GRID2: variants seen among roughly 807,000 people sequenced by gnomAD.
The protein encoded by GRID2 is glutamate receptor ionotropic, delta-2.
Under a neutral mutation model 114.8 loss-of-function variants are expected in GRID2, and 33 were observed. The ratio of observed to expected loss-of-function variants is 0.29; its 90% CI spans 0.22 to 0.38. The LOEUF (loss-of-function observed/expected upper bound fraction) is 0.38, where lower values mean the gene tolerates loss of function less well. Among genes scored for constraint, GRID2 ranks in the 10% least tolerant of loss-of-function variants. The pLI is 1.00. For missense variants in GRID2, 1,184 were observed against 1,257.7 expected (o/e 0.94, Z 0.89); for synonymous variants, 505 against 449.9 (o/e 1.12, Z -1.55).
rs577812344 is a variant in GRID2 at position 92,577,251 on chromosome 4, G to A, written c.89-12880G>A. ...GAAAAAAAGACTGTGTAGAGTGTTA[G>A]ATAATAGATTTCAAGATTTCTCATA... On this transcript the variant is annotated intron_variant, in intron 1 of 15. Coordinates refer to ENST00000282020, the MANE Select transcript of GRID2 (RefSeq NM_001510.4). Among the ~76,000 whole-genome samples the A allele has an allele frequency of 7.2e-5, 11 of 152,270 alleles. No homozygotes were observed. The East Asian group carries it at 2.1e-3, about 29-fold the overall frequency.
intron 2 of GRID2, among the ~76,000 whole-genome samples, chr4:92,608,889 C>T (rs774088110): frequency 6.6e-6 from 1 of 151,608 alleles, no homozygotes; most frequent in Non-Finnish European, 1.5e-5. Context: ...TTCTTTCACC[C>T]AAATATATAT....
intron 13 of GRID2, among the ~76,000 whole-genome samples, chr4:93,567,632 T>A (rs1192452179): frequency 6.6e-6 from 1 of 152,156 alleles, no homozygotes; most frequent in Non-Finnish European, 1.5e-5. Flanking sequence ...TGTTGGGAAA[T>A]AAAAGGCACA....
chr4:93,392,345 T>A (rs1399558431), intron 8 of GRID2, among the ~76,000 whole-genome samples: 1 of 152,120 alleles, frequency 6.6e-6, no homozygotes, highest in Non-Finnish European at 1.5e-5. Context: ...ACCAGAGGAC[T>A]TGTTAGATAA....
intron 11 of GRID2, among the ~76,000 whole-genome samples, chr4:93,468,172 A>G (rs1277598801): frequency 1.3e-5 from 2 of 152,130 alleles, no homozygotes; most frequent in Non-Finnish European, 2.9e-5. Context: ...CATTTTTTTC[A>G]GATTAAGCAT....
At chr4:92,658,060 C>CT (rs1246326853) in intron 2 of GRID2, among the ~76,000 whole-genome samples, 2 of 151,758 alleles carry the variant, frequency 1.3e-5, no homozygotes, top group East Asian at 1.9e-4. Flanking sequence ...CTGTTCTCCA[C>CT]TTTTTTACAT....
intron 2 of GRID2, among the ~76,000 whole-genome samples, chr4:92,747,948 G>A (rs928868557): frequency 4.6e-5 from 7 of 152,102 alleles, no homozygotes; most frequent in Non-Finnish European, 8.8e-5. Flanking sequence ...TATACTAGAA[G>A]TTTCTGACTT....
At chr4:93,629,056 C>T (rs183763541) in intron 14 of GRID2, among the ~76,000 whole-genome samples, 55 of 152,206 alleles carry the variant, frequency 3.6e-4, no homozygotes, top group South Asian at 1.5e-3. Context: ...CATGAGCCAC[C>T]GCGCCCAGCG....
At chr4:93,350,097 C>A (rs1030917071) in intron 8 of GRID2, among the ~76,000 whole-genome samples, 6 of 151,908 alleles carry the variant, frequency 3.9e-5, no homozygotes, top group African/African-American at 1.4e-4. Context: ...AAAGAAAACC[C>A]AGAGGATTTT....
intron 2 of GRID2, among the ~76,000 whole-genome samples, chr4:93,002,635 C>T (rs911952028): frequency 6.6e-6 from 1 of 151,286 alleles, no homozygotes; most frequent in African/African-American, 2.4e-5. Flanking sequence ...TTCTATTTTT[C>T]CCCCCGGTAC....
At chr4:92,315,993 C>CA (rs778361565) in intron 1 of GRID2, among the ~76,000 whole-genome samples, 2,310 of 61,800 alleles carry the variant, frequency 0.037, 67 homozygotes, top group African/African-American at 0.083. Flanking sequence ...AAACAAAAAG[C>CA]AAAAAAAAAA....
chr4:92,789,141 G>C (rs1051666106), intron 2 of GRID2, among the ~76,000 whole-genome samples: 1 of 151,742 alleles, frequency 6.6e-6, no homozygotes, highest in Non-Finnish European at 1.5e-5. Context: ...TCTGTTGCTT[G>C]AGAAACCTTG....
intron 13 of GRID2, among the ~76,000 whole-genome samples, chr4:93,587,385 G>T (rs1349323744): frequency 6.6e-6 from 1 of 152,076 alleles, no homozygotes; most frequent in African/African-American, 2.4e-5. Context: ...AGCACAGATT[G>T]TATTTTGAGA....
At position 92,578,122 on chromosome 4, in the gene GRID2, A is replaced by C. The variant is rs879843410; in HGVS notation, c.89-12009A>C. 9.4e-4 allele frequency among the ~76,000 whole-genome samples: 98 copies of C among 104,550 alleles called. 1 individual carries two copies. Among genetic ancestry groups the C allele is most frequent in the Non-Finnish European group, 1.5e-3 (76 of 49,102 alleles). The allele number at this position is 104,550 out of a possible 152,430, so 68.6% of individuals were successfully genotyped here. ...TCTTCTTCTTCTTCTTCTTTTTCTT[A>C]TTATTATTATTACACTTTAAGTTTT... On this transcript the variant is annotated intron_variant, in intron 1 of 15. Coordinates refer to ENST00000282020, the MANE Select transcript of GRID2 (RefSeq NM_001510.4).
At chr4:93,051,466 T>C (rs1726704322) in intron 2 of GRID2, among the ~76,000 whole-genome samples, 1 of 152,022 alleles carries the variant, frequency 6.6e-6, no homozygotes, top group South Asian at 2.1e-4. Context: ...AATGGCTCTT[T>C]TTTTGTTTCC....
chr4:92,545,947 A>G (rs1020138885), intron 1 of GRID2, among the ~76,000 whole-genome samples: 1 of 152,172 alleles, frequency 6.6e-6, no homozygotes, highest in Non-Finnish European at 1.5e-5. Flanking sequence ...CCTCAATGCA[A>G]CTTTATTCTA....
At chr4:93,325,937 A>G (rs928809679) in intron 8 of GRID2, among the ~76,000 whole-genome samples, 1 of 152,054 alleles carries the variant, frequency 6.6e-6, no homozygotes, top group East Asian at 1.9e-4. Context: ...TTCTCAAGAG[A>G]TACATTTTGT....
chr4:92,367,307 T>A (rs528925036), intron 1 of GRID2, among the ~76,000 whole-genome samples: 1 of 151,680 alleles, frequency 6.6e-6, no homozygotes, highest in East Asian at 1.9e-4. Context: ...AGAACAATGA[T>A]AAAATAATGT....
chr4:92,953,143 G>A (rs1009247344), intron 2 of GRID2, among the ~76,000 whole-genome samples: 7 of 152,114 alleles, frequency 4.6e-5, no homozygotes, highest in East Asian at 3.9e-4. Flanking sequence ...ATTTGATCAC[G>A]TATACAGAGA....
At chr4:93,153,483 C>T (rs571048840) in intron 4 of GRID2, among the ~76,000 whole-genome samples, 1 of 152,170 alleles carries the variant, frequency 6.6e-6, no homozygotes, top group Admixed American at 6.6e-5. Context: ...GCTTTTTCAT[C>T]CTTTTCCTAA....
Sources: allele counts gnomAD v4.1 joint callset (sites outside exome capture counted in the v4.1 genomes callset), GRCh38; gene constraint gnomAD v4.1.1; transcripts MANE v1.5; gene names NCBI Gene and HGNC (gene_info 2026-07-23, HGNC 2026-07-21).